The following ASIC2 variants were observed in gnomAD, a reference collection of about 807,000 sequenced individuals.
The protein encoded by ASIC2 is acid sensing ion channel subunit 2.
A neutral mutation model predicts 57.3 loss-of-function variants in ASIC2; 25 were observed. The observed-to-expected ratio is 0.44, with a 90% CI of 0.32 to 0.61. ASIC2 has a LOEUF of 0.61. Ranked by LOEUF, ASIC2 falls within the 20% of genes least tolerant of loss-of-function variation. ASIC2 has a pLI of 0.06. For synonymous variants in ASIC2, 319 were observed against 307.5 expected, an observed-to-expected ratio of 1.04 and a Z score of -0.39; for missense variants, 641 against 738.1, an observed-to-expected ratio of 0.87 and a Z score of 1.52.
At chr17:33,513,909 C>A (rs1171429545) in intron 1 of ASIC2, among the ~76,000 whole-genome samples, 1 of 152,254 alleles carries the variant, frequency 6.6e-6, no homozygotes, top group Non-Finnish European at 1.5e-5. Flanking sequence ...CAGCCCCCAG[C>A]TCAGGGGTGA....
intron 1 of ASIC2, among the ~76,000 whole-genome samples, chr17:34,134,080 G>T (rs561170237): frequency 6.2e-4 from 95 of 152,262 alleles, no homozygotes; most frequent in African/African-American, 2.2e-3. Context: ...CAGCTTCCAG[G>T]TACTGATTCT....
intron 1 of ASIC2, chr17:34,039,633 C>T: frequency 1.2e-6 from 2 of 1,613,212 alleles, no homozygotes; most frequent in Non-Finnish European, 1.7e-6. Flanking sequence ...TTTTATGTCC[C>T]CTAGGAGTGC....
intron 1 of ASIC2, among the ~76,000 whole-genome samples, chr17:33,470,027 C>G (rs964838704): frequency 2.6e-4 from 39 of 152,028 alleles, no homozygotes; most frequent in African/African-American, 9.2e-4. Flanking sequence ...TAATACAAAG[C>G]AGAATGGAAT....
chr17:33,267,395 A>G (rs1196620792), intron 1 of ASIC2, among the ~76,000 whole-genome samples: 2 of 152,240 alleles, frequency 1.3e-5, no homozygotes, highest in African/African-American at 2.4e-5. Flanking sequence ...TTTCTAAGGT[A>G]TGATGATACA....
chr17:33,487,863 CG>C (rs1478644243), intron 1 of ASIC2, among the ~76,000 whole-genome samples: 2 of 152,138 alleles, frequency 1.3e-5, no homozygotes, highest in Non-Finnish European at 2.9e-5. Flanking sequence ...CCTACATCAG[CG>C]GTTTGCCAGG....
intron 1 of ASIC2, among the ~76,000 whole-genome samples, chr17:33,487,870 C>G (rs938603331): frequency 6.6e-5 from 10 of 152,196 alleles, no homozygotes; most frequent in African/African-American, 1.9e-4. Flanking sequence ...CAGCGGTTTG[C>G]CAGGGGCTCT....
At chr17:33,561,813 C>T (rs943782457) in intron 1 of ASIC2, among the ~76,000 whole-genome samples, 3 of 152,188 alleles carry the variant, frequency 2.0e-5, no homozygotes, top group Admixed American at 1.3e-4. Context: ...ACCAATTTCC[C>T]TTTGGGGCTA....
At chr17:33,856,627 C>T (rs1913963224) in intron 1 of ASIC2, among the ~76,000 whole-genome samples, 1 of 111,242 alleles carries the variant, frequency 9.0e-6, no homozygotes, top group South Asian at 3.2e-4. Flanking sequence ...GGAATTGTTT[C>T]TACACCGAGG....
intron 1 of ASIC2, among the ~76,000 whole-genome samples, chr17:33,584,839 T>G (rs962292236): frequency 4.6e-5 from 7 of 152,074 alleles, no homozygotes; most frequent in African/African-American, 1.7e-4. Context: ...TAACAGGAAC[T>G]GCCTGGCAAG....
intron 3 of ASIC2, among the ~76,000 whole-genome samples, chr17:33,047,815 C>A (rs929857747): frequency 2.0e-5 from 3 of 152,164 alleles, no homozygotes; most frequent in Non-Finnish European, 4.4e-5. Flanking sequence ...GGGAATTGGG[C>A]AGATGCTGCC....
At chr17:33,471,812 T>C (rs888121055) in intron 1 of ASIC2, among the ~76,000 whole-genome samples, 1 of 152,178 alleles carries the variant, frequency 6.6e-6, no homozygotes, top group African/African-American at 2.4e-5. Flanking sequence ...ATAACAAATA[T>C]CTATTGAATA....
intron 1 of ASIC2, among the ~76,000 whole-genome samples, chr17:33,674,638 G>A (rs1409280723): frequency 2.0e-5 from 3 of 152,214 alleles, no homozygotes; most frequent in African/African-American, 7.2e-5. Flanking sequence ...GAGAGATGAA[G>A]TGACCTGTCC....
chr17:33,262,745 G>A (rs1031763093), intron 1 of ASIC2, among the ~76,000 whole-genome samples: 11 of 152,048 alleles, frequency 7.2e-5, no homozygotes, highest in Non-Finnish European at 1.2e-4. Context: ...AATAAATAAC[G>A]CAAATAAACA....
intron 1 of ASIC2, among the ~76,000 whole-genome samples, chr17:33,116,854 ATT>A (rs992193487): frequency 6.9e-6 from 1 of 145,816 alleles, no homozygotes. Context: ...GTTTTATATA[ATT>A]TTTTTTTTTT....
intron 1 of ASIC2, among the ~76,000 whole-genome samples, chr17:33,320,154 G>A (rs1180740457): frequency 2.6e-5 from 4 of 152,170 alleles, no homozygotes; most frequent in African/African-American, 9.7e-5. Flanking sequence ...GTGAGAAAAT[G>A]TTTGGATAAA....
At chr17:33,373,833 C>T (rs571409733) in intron 1 of ASIC2, among the ~76,000 whole-genome samples, 1 of 152,152 alleles carries the variant, frequency 6.6e-6, no homozygotes, top group East Asian at 1.9e-4. Context: ...GGCCCACCAC[C>T]ATGCTGGCTA....
chr17:33,588,768 G>A (rs1034654244), intron 1 of ASIC2, among the ~76,000 whole-genome samples: 1 of 152,210 alleles, frequency 6.6e-6, no homozygotes, highest in Non-Finnish European at 1.5e-5. Context: ...GGAGATGTTT[G>A]AGCCTGAAGG....
chr17:34,123,164 TAAC>T (rs1286972333), intron 1 of ASIC2, among the ~76,000 whole-genome samples: 3 of 152,102 alleles, frequency 2.0e-5, no homozygotes, highest in Admixed American at 6.5e-5. Flanking sequence ...CCAAGGGTGA[TAAC>T]AAGCTCTGGG....
chr17:33,960,377 GT>G (rs1904880871), intron 1 of ASIC2, among the ~76,000 whole-genome samples: 1 of 152,202 alleles, frequency 6.6e-6, no homozygotes, highest in South Asian at 2.1e-4. Context: ...ACCACTTTGA[GT>G]TGTGTTTTCA....
Sources: gnomAD v4.1 joint callset for allele counts (sites outside exome capture counted in the v4.1 genomes callset) on GRCh38, gnomAD v4.1.1 for gene constraint, MANE v1.5 for transcripts, NCBI Gene and HGNC (gene_info 2026-07-23, HGNC 2026-07-21) for gene names.